MEN1: variants seen among roughly 807,000 people sequenced by gnomAD.
MEN1 encodes menin 1, also known as menin.
In MEN1, 6 loss-of-function variants were observed where a neutral mutation model predicts 58.0. The observed-to-expected ratio is 0.10, with a 90% CI of 0.06 to 0.20. The LOEUF is 0.20. Among genes scored for constraint, MEN1 ranks in the 10% least tolerant of loss-of-function variants. MEN1 has a pLI of 1.00. For missense variants in MEN1, 492 were observed against 818.5 expected (o/e 0.60, Z 4.87); for synonymous variants, 346 against 350.7 (o/e 0.99, Z 0.15).
chr11:64,806,162 A>T (rs1339793443), intron 7 of MEN1, 70 bp downstream of exon 7: 1 of 1,600,888 alleles, frequency 6.2e-7, no homozygotes, highest in African/African-American at 1.3e-5. Context: ...TCAGTCCTGG[A>T]CGAGGGTGGT....
chr11:64,806,982 C>A (rs560712850), intron 6 of MEN1, 29 bp downstream of exon 6: 37 of 1,606,766 alleles, frequency 2.3e-5, no homozygotes, highest in Admixed American at 1.3e-4. Flanking sequence ...TTAGGGTCTC[C>A]CTTCTGCACC....
intron 1 of MEN1, 99 bp from the exon 2 acceptor site, chr11:64,810,231 C>T: frequency 4.1e-6 from 3 of 733,080 alleles, no homozygotes; most frequent in Non-Finnish European, 6.6e-6. Flanking sequence ...ACACGCACAG[C>T]TCCCCTGCTT....
rs1942019356 is a variant in MEN1 at position 64,810,032 on chromosome 11, C to T, written c.78G>A (p.Glu26=). 1.9e-6 allele frequency: 3 copies of T among 1,609,552 alleles called. No homozygotes were observed. The highest frequency in any genetic ancestry group is 2.5e-6 in the Non-Finnish European group (3 of 1,178,086). The change falls in exon 2 of 10, where the codon GAG becomes GAA. Residue 26 remains glutamate, a synonymous_variant. Transcript: ENST00000450708. The part of the protein sequence containing the change: ...IDDVVRLFAA[E]LGREEPDLVL... ...CCAGGTCCGGCTCCTCTCGGCCCAGCTCGGCAGCAAACAGGCGCACCACGT... is the reference window on the plus strand; with the variant it reads ...CCAGGTCCGGCTCCTCTCGGCCCAGTTCGGCAGCAAACAGGCGCACCACGT...
rs371339952 is a variant in MEN1, at chr11:64,805,040, C to G, written c.1344G>C (p.Glu448Asp). 3 of 1,613,770 alleles carry G rather than the reference C, an allele frequency of 1.9e-6. No homozygotes were observed. Among genetic ancestry groups the G allele is most frequent in the Non-Finnish European group, 2.5e-6 (3 of 1,180,034 alleles). Reference protein sequence around the residue: ...TFLVQSLGRFEGQVRQKVRIV... With the variant: ...TFLVQSLGRFDGQVRQKVRIV... The stretch of plus-strand genomic sequence containing the variant: ...CTGTGCAGCTGTCCCTCACCTGTCC[C>G]TCAAAACGGCCTAGGGACTGCACAA... The change falls in exon 9 of 10, where the codon GAG (glutamate) becomes GAC (aspartate). Residue 448 changes from glutamate (E) to aspartate (D), a missense_variant. Physicochemically the swap from Glu to Asp is conservative, Grantham distance 45. Around this residue, in one of 5 missense-constraint regions of MEN1, gnomAD observed 45 missense variants for 66.9 expected, o/e 0.67. Coordinates refer to ENST00000450708, the MANE Select transcript of MEN1 (RefSeq NM_001370259.2).
chr11:64,809,286 T>G (rs1941953212), intron 2 of MEN1, among the ~76,000 whole-genome samples: 2 of 141,092 alleles, frequency 1.4e-5, no homozygotes, highest in Non-Finnish European at 3.1e-5. Context: ...AAAAAAAATC[T>G]TCATAGCCAT....
At position 64,807,881 on chromosome 11, in the gene MEN1, G is replaced by T. The variant is rs921850475; in HGVS notation, c.654+10C>A. ...ATGAAGGGGACAAGGCTGGGGGGAG[G>T]GAACAATACCCGCTCAGCCACACCG... On this transcript the variant is annotated intron_variant, in intron 3 of 9. Coordinates refer to ENST00000450708, the MANE Select transcript of MEN1 (RefSeq NM_001370259.2). This position sits in a 1 kb window ranked among gnomAD's most constrained non-coding sequence, Gnocchi z 4.9. 1 of 1,613,910 alleles carries T rather than the reference G, an allele frequency of 6.2e-7. No homozygotes were observed.
rs752747097 is a variant in MEN1, at chr11:64,809,862, A to G, written c.248T>C (p.Leu83Pro). Residue 83 changes from leucine to proline, a missense_variant, in exon 2 of 10, where the codon CTG becomes CCG. Coordinates refer to ENST00000450708, the MANE Select transcript of MEN1 (RefSeq NM_001370259.2). ...GGLTYFPVAD[L>P]SIIAALYARF... ...GGCATAGAGGGCGGCGATGATAGAC[A>G]GGTCGGCCACGGGAAAGTAGGTGAG... is the stretch of plus-strand genomic sequence containing the variant. The G allele has an allele frequency of 2.5e-6, 4 of 1,605,906 alleles. No individual in the cohort carries two copies. In the Admixed American group the frequency reaches 5.1e-5, roughly 21 times the overall value.
At position 64,806,223 on chromosome 11, in the gene MEN1, G is replaced by C. The variant is rs200517349; in HGVS notation, c.1049+9C>G. The C allele has an allele frequency of 3.1e-6, 5 of 1,614,060 alleles. No individual in the cohort carries two copies. The highest frequency in any genetic ancestry group is 3.4e-6 in the Non-Finnish European group (4 of 1,179,980). On this transcript the variant is annotated intron_variant, in intron 7 of 9. Transcript: ENST00000450708. Reference sequence around the variant, plus strand: ...GACAGGCTGCAGGCCCTAGTAGGGGGATCCTCACTCCTGGATGACAGTGGC... The same window carrying C: ...GACAGGCTGCAGGCCCTAGTAGGGGCATCCTCACTCCTGGATGACAGTGGC...
chr11:64,807,403 A>G lies in MEN1; in HGVS notation c.783+149T>C. ...CACATCTCAATTCTACTCTCCCAAGAGCCCTGGGAAAGGCCAGGCCAGGAA... is the reference window on the plus strand; with the variant it reads ...CACATCTCAATTCTACTCTCCCAAGGGCCCTGGGAAAGGCCAGGCCAGGAA... On this transcript the variant is annotated intron_variant, in intron 4 of 9. Coordinates refer to ENST00000450708, the MANE Select transcript of MEN1 (RefSeq NM_001370259.2). The surrounding 1 kb of genome is among the most constrained non-coding windows in gnomAD (Gnocchi z 4.9). The G allele has an allele frequency of 9.5e-7, 1 of 1,048,302 alleles. No homozygotes were observed. Among genetic ancestry groups the G allele is most frequent in the Non-Finnish European group, 1.4e-6 (1 of 698,722 alleles). 64.9% of individuals were successfully genotyped at this position (1,048,302 alleles called of 1,614,324 possible).
In MEN1 at chr11:64,807,649, C is replaced by T. The variant is rs878855197; in HGVS notation, c.686G>A (p.Arg229His). Residue 229 changes from arginine (R) to histidine (H), a missense_variant, in exon 4 of 10, where the codon CGC becomes CAC. Coordinates refer to ENST00000450708, the MANE Select transcript of MEN1 (RefSeq NM_001370259.2). The surrounding 1 kb of genome is among the most constrained non-coding windows in gnomAD (Gnocchi z 4.9). ...CGCCACCTCCATCTTGCGGTCACAGCGCATGTATGATCCTTTCAGGTACAG... is the reference window on the plus strand; with the variant it reads ...CGCCACCTCCATCTTGCGGTCACAGTGCATGTATGATCCTTTCAGGTACAG... ...SWLYLKGSYM[R>H]CDRKMEVAFM... 4.3e-6 allele frequency: 7 copies of T among 1,614,170 alleles called. No homozygotes were observed. In the South Asian group the frequency reaches 4.4e-5, roughly 10 times the overall value.
At position 64,803,693 on chromosome 11, in the gene MEN1, T is replaced by C. The variant is rs1941428017; in HGVS notation, c.*641A>G. 2 of 242,302 alleles carry C rather than the reference T, an allele frequency of 8.3e-6. No individual in the cohort carries two copies. Among genetic ancestry groups the C allele is most frequent in the Non-Finnish European group, 1.6e-5 (2 of 122,552 alleles). The allele number at this position is 242,302 out of a possible 1,614,324, so 15.0% of individuals were successfully genotyped here. A position where few individuals can be genotyped will look rare whatever the true frequency, so the allele number is the denominator to read the frequency against. ...CAGAGGGTCGGAAGGGAGGTCCTGC[T>C]CTGATCCGGGGCCAGTTTCGTCAGG... is the stretch of plus-strand genomic sequence containing the variant. On this transcript the variant is annotated 3_prime_UTR_variant, in exon 10 of 10. Transcript: ENST00000450708.
chr11:64,804,620 C>CG lies in MEN1; in HGVS notation c.1546dup (p.Arg516ProfsTer15), dbSNP rs767319284. On this transcript the variant is annotated frameshift_variant, in exon 10 of 10. Coordinates refer to ENST00000450708, the MANE Select transcript of MEN1 (RefSeq NM_001370259.2). LOFTEE classifies it high-confidence loss of function. This position sits in a 1 kb window ranked among gnomAD's most constrained non-coding sequence, Gnocchi z 4.2. ...GCCAGCGACAGTCCCAGGAGGCTTC[C>CG]GGGGGGGTCCTGACACTGCACCCTG... 13 of 1,607,774 alleles carry CG rather than the reference C, an allele frequency of 8.1e-6. No individual in the cohort carries two copies. The highest frequency in any genetic ancestry group is 2.2e-5 in the East Asian group (1 of 44,792).
chr11:64,808,037 G>C lies in MEN1; in HGVS notation c.508C>G (p.Leu170Val), dbSNP rs780275949. The C allele has an allele frequency of 6.2e-7, 1 of 1,614,000 alleles. No individual in the cohort carries two copies. Among genetic ancestry groups the C allele is most frequent in the East Asian group, 2.2e-5 (1 of 44,886 alleles). The change falls in exon 3 of 10, where the codon CTC becomes GTC. Residue 170 changes from leucine to valine, a missense_variant. Physicochemically the swap from Leu to Val is conservative, Grantham distance 32 (BLOSUM62 1). This residue lies in a region of MEN1 where 335 missense variants were observed against 550.3 expected (regional missense o/e 0.61). Coordinates refer to ENST00000450708, the MANE Select transcript of MEN1 (RefSeq NM_001370259.2). ...GACAGGGCGAGGTGGACATCCCGGA[G>C]ACCCAGGGCCTGGCAGGCCCCAACC... is the stretch of plus-strand genomic sequence containing the variant. Reference protein sequence around the residue: ...AVVGACQALGLRDVHLALSED... With the variant: ...AVVGACQALGVRDVHLALSED...
rs1941588399 is a variant in MEN1, at chr11:64,804,924, C to T, written c.1351-108G>A. The T allele has an allele frequency of 2.5e-6, 4 of 1,597,576 alleles. No individual in the cohort carries two copies. Among genetic ancestry groups the T allele is most frequent in the South Asian group, 1.1e-5 (1 of 90,856 alleles). On this transcript the variant is annotated intron_variant, in intron 9 of 9. Coordinates refer to ENST00000450708, the MANE Select transcript of MEN1 (RefSeq NM_001370259.2). The surrounding 1 kb of genome is among the most constrained non-coding windows in gnomAD (Gnocchi z 4.2). Reference sequence around the variant, plus strand: ...CCCACCCAGGGGGTCTCAGTCCCATCGGCACCCAAGGGGATGGGCAGATGC... The same window carrying T: ...CCCACCCAGGGGGTCTCAGTCCCATTGGCACCCAAGGGGATGGGCAGATGC...
At chr11:64,805,947 A>G in intron 7 of MEN1, 177 bp from the exon 8 acceptor site, 1 of 710,566 alleles carries the variant, frequency 1.4e-6, no homozygotes, top group Non-Finnish European at 2.4e-6. Flanking sequence ...GGAGGGGGGC[A>G]TGGGGCCGAG....
intron 7 of MEN1, 82 bp from the exon 8 acceptor site, chr11:64,805,852 G>GC (rs1339845767): frequency 2.1e-6 from 3 of 1,432,302 alleles, no homozygotes; most frequent in Non-Finnish European, 3.0e-6. Flanking sequence ...GGGGGATGGA[G>GC]CCCCCAGGGG....
Position 64,809,284 on chromosome 11 carries a change from T to A in MEN1, c.445+381A>T, listed in dbSNP as rs1053783248. On this transcript the variant is annotated intron_variant, in intron 2 of 9. Transcript: ENST00000450708. ...GTCTCAAAAAAAAAAAAAAAAAAAA[T>A]CTTCATAGCCATTATTTTGTTTAAC... Among the ~76,000 whole-genome samples, 18 of 107,488 alleles carry A rather than the reference T, an allele frequency of 1.7e-4. No individual in the cohort carries two copies. The East Asian group carries it at 2.6e-3, about 15-fold the overall frequency. 70.5% of individuals were successfully genotyped at this position (107,488 alleles called of 152,430 possible).
intron 2 of MEN1, 56 bp downstream of exon 2, chr11:64,809,609 T>A: frequency 6.2e-7 from 1 of 1,600,628 alleles, no homozygotes; most frequent in Middle Eastern, 1.7e-4. Context: ...CTGTAAACCA[T>A]GGAGGGTTTT....
chr11:64,807,483 C>T lies in MEN1; in HGVS notation c.783+69G>A, dbSNP rs1941811070. ...CTGAAGCTCAGGAAGGGAAAGTGCC[C>T]CTGCCCAGGGTCCCACAGCAAGTCA... On this transcript the variant is annotated intron_variant, in intron 4 of 9. Coordinates refer to ENST00000450708, the MANE Select transcript of MEN1 (RefSeq NM_001370259.2). This position sits in a 1 kb window ranked among gnomAD's most constrained non-coding sequence, Gnocchi z 4.9. 6.4e-7 allele frequency: 1 copy of T among 1,558,824 alleles called. No individual in the cohort carries two copies. Among genetic ancestry groups the T allele is most frequent in the Non-Finnish European group, 8.8e-7 (1 of 1,133,640 alleles).
Sources: gnomAD v4.1 joint callset for allele counts (sites outside exome capture counted in the v4.1 genomes callset) on GRCh38, gnomAD v4.1.1 for gene constraint, gnomAD v4.1.1 regional missense constraint, Gnocchi (gnomAD v3.1) non-coding constraint, MANE v1.5 for transcripts, NCBI Gene and HGNC (gene_info 2026-07-23, HGNC 2026-07-21) for gene names.